The following METTL21C variants were observed in gnomAD, a reference collection of about 807,000 sequenced individuals.
The protein encoded by METTL21C is methyltransferase 21C, AARS1 lysine.
METTL21C carries 21 observed loss-of-function variants against 25.9 expected under a neutral mutation model. The ratio of observed to expected loss-of-function variants is 0.81; its 90% CI spans 0.58 to 1.17. The LOEUF (loss-of-function observed/expected upper bound fraction) is 1.17, where lower values mean the gene tolerates loss of function less well. Among genes scored for constraint, METTL21C ranks in the 50% most tolerant of loss-of-function variants. The probability of loss-of-function intolerance (pLI) is 0.00; values close to 1 mark genes in which losing one functional copy is unlikely to be tolerated. For synonymous variants in METTL21C, 125 were observed against 124.7 expected, an observed-to-expected ratio of 1.00 and a Z score of -0.01; for missense variants, 312 against 315.1, an observed-to-expected ratio of 0.99 and a Z score of 0.07.
intron 2 of METTL21C, among the ~76,000 whole-genome samples, chr13:102,688,448 A>G (rs953055053): frequency 1.3e-5 from 2 of 152,206 alleles, no homozygotes; most frequent in Admixed American, 6.5e-5. Flanking sequence ...GGTTGAAGGG[A>G]GAGGGGTCAC....
At position 102,685,828 on chromosome 13, in the gene METTL21C, T is replaced by A. The variant is rs1885650494; in HGVS notation, c.*203A>T. ...TACTTTCATGTTTTTATGTTGTTCT[T>A]TTTAGATATTTAGATTAACCAGATA... is the stretch of plus-strand genomic sequence containing the variant. On this transcript the variant is annotated 3_prime_UTR_variant, in exon 4 of 4. Coordinates refer to ENST00000267273, the MANE Select transcript of METTL21C (RefSeq NM_001010977.3). 4 of 514,236 alleles carry A rather than the reference T, an allele frequency of 7.8e-6. No homozygotes were observed. Among genetic ancestry groups the A allele is most frequent in the Non-Finnish European group, 1.3e-5 (4 of 304,434 alleles). The allele number at this position is 514,236 out of a possible 1,614,324, so 31.9% of individuals were successfully genotyped here. A position where few individuals can be genotyped will look rare whatever the true frequency, so the allele number is the denominator to read the frequency against.
upstream of METTL21C, among the ~76,000 whole-genome samples, chr13:102,695,677 C>A (rs905456843): frequency 7.9e-5 from 12 of 152,130 alleles, no homozygotes; most frequent in Non-Finnish European, 1.6e-4. Flanking sequence ...GTGCTGTGGT[C>A]CCATGTAAAT....
At chr13:102,693,164 C>CA (rs1885872420) in intron 1 of METTL21C, among the ~76,000 whole-genome samples, 1 of 152,080 alleles carries the variant, frequency 6.6e-6, no homozygotes, top group South Asian at 2.1e-4. Context: ...ACACCACAGA[C>CA]ACGATTAACC....
chr13:102,689,096 A>ATTG (rs1205762354), intron 2 of METTL21C, among the ~76,000 whole-genome samples: 3 of 115,774 alleles, frequency 2.6e-5, no homozygotes, highest in African/African-American at 1.2e-4. Context: ...TTTTTTTAAA[A>ATTG]TTATTATTTT....
chr13:102,688,684 G>A (rs1018517710), intron 2 of METTL21C, among the ~76,000 whole-genome samples: 9 of 152,106 alleles, frequency 5.9e-5, no homozygotes, highest in Non-Finnish European at 8.8e-5. Flanking sequence ...CTGGGAGGAG[G>A]GGGTCAATGT....
chr13:102,688,172 T>C (rs1281683979), intron 2 of METTL21C, among the ~76,000 whole-genome samples: 1 of 152,240 alleles, frequency 6.6e-6, no homozygotes, highest in African/African-American at 2.4e-5. Flanking sequence ...ACTTTCTATT[T>C]GGGGCCCAGT....
chr13:102,698,163 GTCTCATATTA>G (rs1885975765), upstream of METTL21C, among the ~76,000 whole-genome samples: 1 of 152,174 alleles, frequency 6.6e-6, no homozygotes, highest in East Asian at 1.9e-4. Context: ...ATAAATAAAT[GTCTCATATTA>G]TCTTGTATGT....
upstream of METTL21C, among the ~76,000 whole-genome samples, chr13:102,699,805 C>CA (rs1215295718): frequency 5.3e-5 from 8 of 152,154 alleles, no homozygotes; most frequent in Non-Finnish European, 1.2e-4. Context: ...CTGCAATACC[C>CA]CCCCGACCCA....
At chr13:102,690,674 C>A in intron 2 of METTL21C, 139 bp downstream of exon 2, 1 of 906,314 alleles carries the variant, frequency 1.1e-6, no homozygotes, top group Middle Eastern at 2.3e-4. Context: ...TCCACCAACA[C>A]CCTCCAGGGG....
upstream of METTL21C, among the ~76,000 whole-genome samples, chr13:102,696,803 A>G (rs1885953278): frequency 6.6e-6 from 1 of 152,180 alleles, no homozygotes; most frequent in South Asian, 2.1e-4. Context: ...TCTCTGACAT[A>G]TGGTAGCTCC....
intron 1 of METTL21C, among the ~76,000 whole-genome samples, chr13:102,692,010 G>T (rs1247683529): frequency 3.3e-5 from 5 of 152,008 alleles, no homozygotes; most frequent in Non-Finnish European, 7.3e-5. Flanking sequence ...AAAGGTGTTG[G>T]TCCCAGCGGG....
chr13:102,699,276 G>A (rs1231601340), upstream of METTL21C, among the ~76,000 whole-genome samples: 1 of 152,072 alleles, frequency 6.6e-6, no homozygotes, highest in African/African-American at 2.4e-5. Context: ...TCCAGCTATT[G>A]CAACTAAAGG....
intron 1 of METTL21C, among the ~76,000 whole-genome samples, chr13:102,692,210 G>A (rs961449262): frequency 6.6e-6 from 1 of 152,200 alleles, no homozygotes; most frequent in African/African-American, 2.4e-5. Context: ...GCCTCTCAAG[G>A]TGGAAGGCAG....
intron 2 of METTL21C, 140 bp downstream of exon 2, chr13:102,690,673 A>G: frequency 1.1e-6 from 1 of 889,586 alleles, no homozygotes; most frequent in Non-Finnish European, 1.7e-6. Flanking sequence ...CTCCACCAAC[A>G]CCCTCCAGGG....
At chr13:102,689,802 A>G (rs1477526360) in intron 2 of METTL21C, among the ~76,000 whole-genome samples, 1 of 152,240 alleles carries the variant, frequency 6.6e-6, no homozygotes, top group Non-Finnish European at 1.5e-5. Context: ...AGAATATTAC[A>G]TTAATGAGGA....
At chr13:102,690,157 A>G (rs1885788507) in intron 2 of METTL21C, among the ~76,000 whole-genome samples, 1 of 152,142 alleles carries the variant, frequency 6.6e-6, no homozygotes, top group Admixed American at 6.5e-5. Context: ...GTGGTGGTTC[A>G]CGCTTGTAAT....
chr13:102,702,285 A>G, the METTL21C span, among the ~76,000 whole-genome samples: 1 of 152,144 alleles, frequency 6.6e-6, no homozygotes. Context: ...GAAAGCCCAC[A>G]TTAAATATAT....
intron 2 of METTL21C, among the ~76,000 whole-genome samples, 181 bp downstream of exon 2, chr13:102,690,632 A>AT (rs1885806490): frequency 6.6e-6 from 1 of 152,008 alleles, no homozygotes; most frequent in Non-Finnish European, 1.5e-5. Flanking sequence ...AGTGTTTCTG[A>AT]AAGAAACACT....
rs1885915052 is a variant in METTL21C, at chr13:102,694,776, T to G, written c.-278A>C. Among the ~76,000 whole-genome samples, 1 of 152,004 alleles carries G rather than the reference T, an allele frequency of 6.6e-6. No homozygotes were observed. Among genetic ancestry groups the G allele is most frequent in the South Asian group, 2.1e-4 (1 of 4,816 alleles). On this transcript the variant is annotated 5_prime_UTR_variant, in exon 1 of 4. Coordinates refer to ENST00000267273, the MANE Select transcript of METTL21C (RefSeq NM_001010977.3). ...GTCTACACCTGAAAGGATTAGCATTTGATGAACAAAATCCAGCCAGTGGAA... is the reference window on the plus strand; with the variant it reads ...GTCTACACCTGAAAGGATTAGCATTGGATGAACAAAATCCAGCCAGTGGAA...
Sources: allele counts gnomAD v4.1 joint callset (sites outside exome capture counted in the v4.1 genomes callset), GRCh38; gene constraint gnomAD v4.1.1; transcripts MANE v1.5; gene names NCBI Gene and HGNC (gene_info 2026-07-23, HGNC 2026-07-21).